Variants in GPD1L observed in about 807,000 individuals in gnomAD.
GPD1L encodes the protein glycerol-3-phosphate dehydrogenase 1-like protein.
GPD1L carries 17 observed loss-of-function variants against 32.9 expected under a neutral mutation model. The ratio of observed to expected loss-of-function variants is 0.52; its 90% CI spans 0.35 to 0.78. GPD1L has a LOEUF of 0.78. Among genes scored for constraint, GPD1L ranks in the 30% least tolerant of loss-of-function variants. The pLI, the probability that GPD1L is intolerant of heterozygous loss-of-function variation, is 0.01. For missense variants in GPD1L, 361 were observed against 447.8 expected (o/e 0.81, Z 1.75); for synonymous variants, 187 against 165.9 (o/e 1.13, Z -0.98).
intron 4 of GPD1L, among the ~76,000 whole-genome samples, chr3:32,140,800 G>A (rs1044770374): frequency 1.2e-4 from 19 of 152,110 alleles, no homozygotes; most frequent in Middle Eastern, 3.2e-3. Flanking sequence ...CCCATTTTCA[G>A]GTGAATGATA....
chr3:32,151,389 A>G, intron 5 of GPD1L: 1 of 678,446 alleles, frequency 1.5e-6, no homozygotes, highest in Non-Finnish European at 2.6e-6. Flanking sequence ...CCATGGTGAC[A>G]CTTGTGGGGC....
intron 1 of GPD1L, among the ~76,000 whole-genome samples, chr3:32,115,113 CA>C (rs1700308537): frequency 6.6e-6 from 1 of 152,238 alleles, no homozygotes; most frequent in Admixed American, 6.5e-5. Flanking sequence ...GCCCTGCCCA[CA>C]ACCTGCTGAT....
chr3:32,153,368 A>G (rs1346937042), intron 5 of GPD1L, among the ~76,000 whole-genome samples: 3 of 152,270 alleles, frequency 2.0e-5, no homozygotes, highest in Non-Finnish European at 4.4e-5. Context: ...TTTCGGAGTC[A>G]CAGTAACTAC....
At chr3:32,156,433 C>T (rs535695267) in intron 5 of GPD1L, among the ~76,000 whole-genome samples, 4 of 152,266 alleles carry the variant, frequency 2.6e-5, no homozygotes, top group South Asian at 2.1e-4. Flanking sequence ...GAGGCATAAG[C>T]AGCAACCGCA....
intron 3 of GPD1L, 96 bp from the exon 4 acceptor site, chr3:32,140,132 G>C: frequency 8.0e-7 from 1 of 1,244,582 alleles, no homozygotes; most frequent in African/African-American, 1.5e-5. Flanking sequence ...GTAAGTAGGA[G>C]ACATTTTTCA....
intron 2 of GPD1L, among the ~76,000 whole-genome samples, chr3:32,130,932 C>T (rs1040764799): frequency 3.3e-5 from 5 of 152,020 alleles, no homozygotes; most frequent in Non-Finnish European, 7.4e-5. Flanking sequence ...GGAGAATTGC[C>T]TGAACCCAGG....
At chr3:32,154,385 A>G (rs11707183) in intron 5 of GPD1L, among the ~76,000 whole-genome samples, 83,739 of 152,028 alleles carry the variant, frequency 0.55, 24,998 homozygotes, top group East Asian at 0.86. Flanking sequence ...CAACATAGAA[A>G]CACTGCTTTG....
chr3:32,119,100 A>G (rs896263075), intron 1 of GPD1L, among the ~76,000 whole-genome samples: 1 of 152,148 alleles, frequency 6.6e-6, no homozygotes, highest in Non-Finnish European at 1.5e-5. Context: ...CCTCTTTGAG[A>G]CCCTGCTTTC....
intron 1 of GPD1L, among the ~76,000 whole-genome samples, chr3:32,107,438 G>T (rs1451488523): frequency 6.6e-6 from 1 of 152,180 alleles, no homozygotes; most frequent in Non-Finnish European, 1.5e-5. Context: ...AGAAATGTCA[G>T]TTCTTCTAGT....
At chr3:32,129,077 C>A (rs574705890) in intron 2 of GPD1L, among the ~76,000 whole-genome samples, 1 of 152,304 alleles carries the variant, frequency 6.6e-6, no homozygotes, top group East Asian at 1.9e-4. Flanking sequence ...GTGTACCCTG[C>A]TGCTTGTCTG....
intron 1 of GPD1L, among the ~76,000 whole-genome samples, chr3:32,120,210 G>A (rs1329535692): frequency 6.6e-6 from 1 of 151,992 alleles, no homozygotes; most frequent in Non-Finnish European, 1.5e-5. Flanking sequence ...CCCAGCTACT[G>A]GGGAGCCTGA....
intron 4 of GPD1L, among the ~76,000 whole-genome samples, chr3:32,142,892 C>T (rs531548216): frequency 6.6e-6 from 1 of 152,138 alleles, no homozygotes; most frequent in African/African-American, 2.4e-5. Flanking sequence ...GCACTGATGA[C>T]CTGAATTAAA....
Position 32,140,354 on chromosome 3 carries a change from G to A in GPD1L, c.493G>A (p.Glu165Lys), listed in dbSNP as rs1391064289. ...ANEVAAEKFCETTIGSKVMEN... is the reference protein window; with the variant it reads ...ANEVAAEKFCKTTIGSKVMEN... Reference sequence around the variant, plus strand: ...TGAGGTGGCTGCAGAGAAGTTCTGTGAGACCACCATCGGTAAGCACTGCCT... The same window carrying A: ...TGAGGTGGCTGCAGAGAAGTTCTGTAAGACCACCATCGGTAAGCACTGCCT... The change falls in exon 4 of 8, where the codon GAG becomes AAG. Residue 165 changes from glutamate (E) to lysine (K), a missense_variant. Coordinates refer to ENST00000282541, the MANE Select transcript of GPD1L (RefSeq NM_015141.4). 1.4e-5 allele frequency: 22 copies of A among 1,614,028 alleles called. No individual in the cohort carries two copies. The highest frequency in any genetic ancestry group is 1.8e-5 in the Non-Finnish European group (21 of 1,180,006).
At chr3:32,121,253 C>T (rs1700407200) in intron 1 of GPD1L, among the ~76,000 whole-genome samples, 1 of 151,658 alleles carries the variant, frequency 6.6e-6, no homozygotes, top group Non-Finnish European at 1.5e-5. Context: ...AACCTGTCTC[C>T]TCTTCCTTCT....
chr3:32,159,887 A>G (rs1208292122), intron 7 of GPD1L, among the ~76,000 whole-genome samples: 1 of 152,274 alleles, frequency 6.6e-6, no homozygotes, highest in Middle Eastern at 3.2e-3. Flanking sequence ...CTCAACTTCA[A>G]TGAAAGGAGC....
At chr3:32,121,577 A>C (rs1179800130) in intron 1 of GPD1L, among the ~76,000 whole-genome samples, 2 of 104,486 alleles carry the variant, frequency 1.9e-5, no homozygotes, top group Non-Finnish European at 3.5e-5. Flanking sequence ...ATATATTTCT[A>C]TATATATATT....
intron 5 of GPD1L, among the ~76,000 whole-genome samples, chr3:32,152,817 G>A (rs1256289012): frequency 1.4e-5 from 2 of 147,398 alleles, no homozygotes; most frequent in Admixed American, 6.8e-5. Flanking sequence ...TCCAAGCAGC[G>A]AGGTTAAAAA....
At chr3:32,131,070 A>T (rs892404950) in intron 2 of GPD1L, among the ~76,000 whole-genome samples, 5 of 152,164 alleles carry the variant, frequency 3.3e-5, no homozygotes, top group African/African-American at 1.2e-4. Context: ...TATTTTCTGT[A>T]ATTGCAAAAT....
intron 2 of GPD1L, among the ~76,000 whole-genome samples, chr3:32,134,221 A>G (rs2125482494): frequency 6.6e-6 from 1 of 152,376 alleles, no homozygotes; most frequent in African/African-American, 2.4e-5. Context: ...ACATGATCTC[A>G]TTAGCTGATA....
Sources: gnomAD v4.1 joint callset for allele counts (sites outside exome capture counted in the v4.1 genomes callset) on GRCh38, gnomAD v4.1.1 for gene constraint, MANE v1.5 for transcripts, NCBI Gene and HGNC (gene_info 2026-07-23, HGNC 2026-07-21) for gene names.